The following RCAN2 variants were observed in gnomAD, a reference collection of about 807,000 sequenced individuals.
RCAN2 encodes regulator of calcineurin 2.
A neutral mutation model predicts 23.6 loss-of-function variants in RCAN2; 9 were observed. That is an observed-to-expected ratio of 0.38 (90% CI 0.23 to 0.67). The LOEUF (loss-of-function observed/expected upper bound fraction) is 0.67, where lower values mean the gene tolerates loss of function less well. Ranked by LOEUF, RCAN2 falls within the 30% of genes least tolerant of loss-of-function variation. RCAN2 has a pLI of 0.51. For missense variants in RCAN2, 273 were observed against 302.3 expected, an observed-to-expected ratio of 0.90 and a Z score of 0.72; for synonymous variants, 109 against 115.7, an observed-to-expected ratio of 0.94 and a Z score of 0.37.
At chr6:46,291,678 T>G (rs1310085363) in intron 2 of RCAN2, among the ~76,000 whole-genome samples, 5 of 151,988 alleles carry the variant, frequency 3.3e-5, no homozygotes, top group African/African-American at 4.8e-5. Context: ...TCACCCTTAC[T>G]TAGGACAAAA....
At chr6:46,390,027 A>C (rs1301528397) in intron 2 of RCAN2, among the ~76,000 whole-genome samples, 2 of 152,192 alleles carry the variant, frequency 1.3e-5, no homozygotes, top group Non-Finnish European at 2.9e-5. Context: ...ACCAAAAAAA[A>C]AAAAAAAAAT....
chr6:46,273,363 CATT>C (rs1355661237), intron 2 of RCAN2, among the ~76,000 whole-genome samples: 1 of 152,184 alleles, frequency 6.6e-6, no homozygotes, highest in African/African-American at 2.4e-5. Flanking sequence ...ATAACATTAA[CATT>C]ATGGTGTTTG....
intron 2 of RCAN2, among the ~76,000 whole-genome samples, chr6:46,397,178 G>A (rs112015729): frequency 0.015 from 2,261 of 152,236 alleles, 48 homozygotes; most frequent in African/African-American, 0.051. Flanking sequence ...ATATGCTCTA[G>A]TGTGACTGTT....
At chr6:46,334,837 G>A (rs76632831) in intron 2 of RCAN2, among the ~76,000 whole-genome samples, 9 of 152,158 alleles carry the variant, frequency 5.9e-5, no homozygotes, top group African/African-American at 1.4e-4. Context: ...CTTCCTCCCC[G>A]GGTCCAAGAG....
intron 1 of RCAN2, among the ~76,000 whole-genome samples, chr6:46,480,045 T>G (rs1183652928): frequency 6.6e-6 from 1 of 152,098 alleles, no homozygotes; most frequent in South Asian, 2.1e-4. Context: ...AAACACAAAT[T>G]CCGGCACCAA....
chr6:46,316,730 TG>T (rs1402139378), intron 2 of RCAN2, among the ~76,000 whole-genome samples: 1 of 152,222 alleles, frequency 6.6e-6, no homozygotes, highest in Non-Finnish European at 1.5e-5. Context: ...CTCAATACAT[TG>T]TTGCTATTAT....
intron 2 of RCAN2, among the ~76,000 whole-genome samples, chr6:46,396,071 C>A (rs75444858): frequency 6.6e-6 from 1 of 152,148 alleles, no homozygotes; most frequent in South Asian, 2.1e-4. Context: ...TTTAGGTAGA[C>A]GAAATTCTGC....
intron 2 of RCAN2, among the ~76,000 whole-genome samples, chr6:46,290,445 T>C (rs1308208218): frequency 6.6e-6 from 1 of 152,218 alleles, no homozygotes; most frequent in Non-Finnish European, 1.5e-5. Context: ...GGCCACTTTG[T>C]CTATTCTTAG....
chr6:46,326,106 C>A (rs1561859997), intron 2 of RCAN2, among the ~76,000 whole-genome samples: 1 of 152,186 alleles, frequency 6.6e-6, no homozygotes, highest in Non-Finnish European at 1.5e-5. Flanking sequence ...GCATCCCGGG[C>A]ATGGGCTGAA....
At chr6:46,251,810 C>A (rs953327623) in intron 2 of RCAN2, among the ~76,000 whole-genome samples, 1 of 152,136 alleles carries the variant, frequency 6.6e-6, no homozygotes, top group African/African-American at 2.4e-5. Context: ...ATAGAAGGCT[C>A]CAGGCACCAA....
chr6:46,385,361 A>G (rs1472953531), intron 2 of RCAN2, among the ~76,000 whole-genome samples: 1 of 152,232 alleles, frequency 6.6e-6, no homozygotes, highest in East Asian at 1.9e-4. Flanking sequence ...CATCTTTTCT[A>G]TCACTATAAA....
intron 1 of RCAN2, among the ~76,000 whole-genome samples, chr6:46,487,494 C>T (rs895727163): frequency 6.6e-6 from 1 of 152,196 alleles, no homozygotes; most frequent in Non-Finnish European, 1.5e-5. Context: ...AAGGGTGGGA[C>T]CTCCATTTCC....
At chr6:46,382,237 C>A (rs1269145333) in intron 2 of RCAN2, among the ~76,000 whole-genome samples, 2 of 152,146 alleles carry the variant, frequency 1.3e-5, no homozygotes, top group Non-Finnish European at 2.9e-5. Flanking sequence ...ACTAATAGTT[C>A]TTTTCTCATA....
intron 2 of RCAN2, among the ~76,000 whole-genome samples, chr6:46,260,585 T>C (rs1306358568): frequency 6.6e-6 from 1 of 152,196 alleles, no homozygotes; most frequent in African/African-American, 2.4e-5. Flanking sequence ...CCTAGGGCTC[T>C]TGTTGTTCTG....
intron 2 of RCAN2, among the ~76,000 whole-genome samples, chr6:46,356,132 A>C (rs1764822678): frequency 6.6e-6 from 1 of 152,244 alleles, no homozygotes; most frequent in African/African-American, 2.4e-5. Flanking sequence ...TTATGGAAAC[A>C]GGGCCAGTAA....
chr6:46,298,340 T>C (rs1762785460), intron 2 of RCAN2, among the ~76,000 whole-genome samples: 1 of 152,108 alleles, frequency 6.6e-6, no homozygotes, highest in South Asian at 2.1e-4. Context: ...GGCAATATTA[T>C]GTCAATGCTC....
intron 1 of RCAN2, among the ~76,000 whole-genome samples, chr6:46,460,032 T>C (rs759135929): frequency 3.3e-5 from 5 of 151,722 alleles, no homozygotes; most frequent in Non-Finnish European, 7.4e-5. Flanking sequence ...AGTTAACTGG[T>C]TTGTCTTTGT....
intron 2 of RCAN2, among the ~76,000 whole-genome samples, chr6:46,386,776 A>C (rs1765769390): frequency 6.6e-6 from 1 of 152,234 alleles, no homozygotes; most frequent in African/African-American, 2.4e-5. Context: ...GGAACCATAA[A>C]AGAGCCCACA....
At chr6:46,230,243 G>T (rs1323106532) in intron 4 of RCAN2, among the ~76,000 whole-genome samples, 5 of 152,180 alleles carry the variant, frequency 3.3e-5, no homozygotes, top group Non-Finnish European at 5.9e-5. Context: ...ACTTGAGGAG[G>T]CAGTCTCCAT....
Sources: gnomAD v4.1 joint callset for allele counts (sites outside exome capture counted in the v4.1 genomes callset) on GRCh38, gnomAD v4.1.1 for gene constraint, MANE v1.5 for transcripts, NCBI Gene and HGNC (gene_info 2026-07-23, HGNC 2026-07-21) for gene names.